The following WRN variants were observed in gnomAD, a reference collection of about 807,000 sequenced individuals.
WRN encodes bifunctional 3'-5' exonuclease/ATP-dependent helicase WRN.
In WRN, 149 loss-of-function variants were observed where a neutral mutation model predicts 180.7. That is an observed-to-expected ratio of 0.82 (90% CI 0.72 to 0.94). The LOEUF (loss-of-function observed/expected upper bound fraction) is 0.94, where lower values mean the gene tolerates loss of function less well. Ranked by LOEUF, WRN falls within the 40% of genes least tolerant of loss-of-function variation. The pLI is 0.00. For synonymous variants in WRN, 548 were observed against 568.9 expected, an observed-to-expected ratio of 0.96 and a Z score of 0.52; for missense variants, 1,661 against 1,700.1, an observed-to-expected ratio of 0.98 and a Z score of 0.40.
chr8:31,092,174 G>A (rs959413870), intron 16 of WRN, among the ~76,000 whole-genome samples: 38 of 151,900 alleles, frequency 2.5e-4, no homozygotes, highest in Admixed American at 6.6e-5. Flanking sequence ...GAAGAAATCT[G>A]TTATTCTCGG....
chr8:31,147,097 C>T lies in WRN; in HGVS notation c.3428C>T (p.Pro1143Leu). 6.2e-7 allele frequency: 1 copy of T among 1,613,812 alleles called. No homozygotes were observed. Among genetic ancestry groups the T allele is most frequent in the Non-Finnish European group, 8.5e-7 (1 of 1,179,830 alleles). Residue 1143 changes from proline (P) to leucine (L), a missense_variant, in exon 29 of 35, where the codon CCT becomes CTT. This residue lies in a region of WRN where 1,141 missense variants were observed against 1,149.4 expected (regional missense o/e 0.99). Transcript: ENST00000298139. The part of the protein sequence containing the change: ...SPEKAYSSSQ[P>L]VISAQEQETQ... The stretch of plus-strand genomic sequence containing the variant: ...GAAAAAGCTTACAGTTCCTCACAGC[C>T]TGTTATTTCGGCACAAGAGCAGGAG...
At chr8:31,142,819 A>G (rs549588960) in intron 27 of WRN, 118 bp downstream of exon 27, 3 of 921,746 alleles carry the variant, frequency 3.3e-6, no homozygotes, top group South Asian at 1.9e-5. Context: ...ATAACAAAGC[A>G]TAAAATTCGG....
chr8:31,157,587 T>C, intron 33 of WRN, 57 bp downstream of exon 33: 1 of 1,602,004 alleles, frequency 6.2e-7, no homozygotes, highest in Non-Finnish European at 8.5e-7. Flanking sequence ...AAACAAGCAA[T>C]CCACTATATT....
At position 31,076,821 on chromosome 8, in the gene WRN, A is replaced by G. The variant is rs140709681; in HGVS notation, c.839+534A>G. ...GCATTCCAATTTTAGAGATTCTTTT[A>G]TGGTTAAAGCACTAGGTAACTTAAA... On this transcript the variant is annotated intron_variant, in intron 8 of 34. Coordinates refer to ENST00000298139, the MANE Select transcript of WRN (RefSeq NM_000553.6). Among the ~76,000 whole-genome samples, 507 of 152,312 alleles carry G rather than the reference A, an allele frequency of 3.3e-3. 1 individual carries two copies. The highest frequency in any genetic ancestry group is 0.011 in the African/African-American group (470 of 41,564).
intron 19 of WRN, among the ~76,000 whole-genome samples, chr8:31,112,482 G>T (rs1801358162): frequency 6.6e-6 from 1 of 152,106 alleles, no homozygotes; most frequent in Non-Finnish European, 1.5e-5. Flanking sequence ...TCATTTTATT[G>T]TTGAGGAAAC....
At chr8:31,062,801 C>T (rs1332494012) in intron 3 of WRN, among the ~76,000 whole-genome samples, 1 of 152,072 alleles carries the variant, frequency 6.6e-6, no homozygotes, top group Non-Finnish European at 1.5e-5. Context: ...CTCTGTGCCC[C>T]TCTGAGATAA....
chr8:31,073,790 A>G (rs1812997925), intron 7 of WRN, among the ~76,000 whole-genome samples: 1 of 152,180 alleles, frequency 6.6e-6, no homozygotes, highest in Admixed American at 6.5e-5. Context: ...TTCTGAAGCC[A>G]CCTGAAGAAA....
chr8:31,042,445 T>A (rs1811695662), intron 1 of WRN, among the ~76,000 whole-genome samples: 2 of 152,254 alleles, frequency 1.3e-5, no homozygotes, highest in African/African-American at 4.8e-5. Flanking sequence ...GATTTATATC[T>A]AACACCACAA....
At chr8:31,155,022 T>C (rs562963094) in intron 32 of WRN, among the ~76,000 whole-genome samples, 16 of 152,316 alleles carry the variant, frequency 1.1e-4, no homozygotes, top group African/African-American at 3.6e-4. Flanking sequence ...AGCTCAGGGA[T>C]ACTGCATCAG....
At chr8:31,170,750 G>C (rs1360084477) in intron 34 of WRN, among the ~76,000 whole-genome samples, 1 of 152,168 alleles carries the variant, frequency 6.6e-6, no homozygotes, top group African/African-American at 2.4e-5. Flanking sequence ...ATAGACACTG[G>C]AAGGCGTTGT....
intron 23 of WRN, among the ~76,000 whole-genome samples, chr8:31,129,788 C>T (rs779461974): frequency 1.3e-5 from 2 of 151,796 alleles, no homozygotes; most frequent in Non-Finnish European, 1.5e-5. Context: ...TGGGGGATCA[C>T]GAGGTCAAGA....
intron 33 of WRN, among the ~76,000 whole-genome samples, chr8:31,164,991 A>G (rs925534538): frequency 6.6e-6 from 1 of 152,116 alleles, no homozygotes; most frequent in Admixed American, 6.6e-5. Flanking sequence ...TTAGAAAAAT[A>G]TATGAATTTT....
chr8:31,051,651 A>C (rs1304388114), intron 1 of WRN, among the ~76,000 whole-genome samples: 2 of 152,142 alleles, frequency 1.3e-5, no homozygotes, highest in African/African-American at 2.4e-5. Context: ...GAATAGGTCC[A>C]CTCGTTTAGC....
At chr8:31,146,514 G>A (rs1802862436) in intron 28 of WRN, among the ~76,000 whole-genome samples, 1 of 151,804 alleles carries the variant, frequency 6.6e-6, no homozygotes, top group African/African-American at 2.4e-5. Context: ...CATTTGGAGT[G>A]TTCCTTGACT....
intron 3 of WRN, among the ~76,000 whole-genome samples, chr8:31,063,505 C>G (rs1812574273): frequency 6.6e-6 from 1 of 152,064 alleles, no homozygotes; most frequent in South Asian, 2.1e-4. Context: ...GTTTATGCAC[C>G]TTCAACTAGA....
intron 24 of WRN, among the ~76,000 whole-genome samples, chr8:31,134,727 T>C (rs1262696182): frequency 6.6e-6 from 1 of 152,224 alleles, no homozygotes; most frequent in East Asian, 1.9e-4. Flanking sequence ...GACGGTAGTT[T>C]TGATAATACA....
rs1563360963 is a variant in WRN, at chr8:31,116,464, A to G, written c.2384A>G (p.His795Arg). Residue 795 changes from histidine (H) to arginine (R), a missense_variant, in exon 20 of 35, where the codon CAT becomes CGT. His to Arg is a conservative substitution (Grantham distance 29). Transcript: ENST00000298139. Reference sequence around the variant, plus strand: ...CTGAATCTATCCTGTGGAACATACCATGCGGGCATGAGTTTTAGCACAAGG... The same window carrying G: ...CTGAATCTATCCTGTGGAACATACCGTGCGGGCATGAGTTTTAGCACAAGG... ...RKLNLSCGTY[H>R]AGMSFSTRKD... 1 of 1,614,040 alleles carries G rather than the reference A, an allele frequency of 6.2e-7. No homozygotes were observed. Among genetic ancestry groups the G allele is most frequent in the Admixed American group, 1.7e-5 (1 of 60,018 alleles).
chr8:31,099,402 G>A (rs1390849172), intron 17 of WRN, among the ~76,000 whole-genome samples: 1 of 148,716 alleles, frequency 6.7e-6, no homozygotes, highest in Non-Finnish European at 1.5e-5. Context: ...AAGGAAGGAA[G>A]GAAGGAAGGA....
intron 33 of WRN, among the ~76,000 whole-genome samples, chr8:31,161,735 A>C (rs1296977585): frequency 6.8e-6 from 1 of 147,668 alleles, no homozygotes; most frequent in East Asian, 2.1e-4. Flanking sequence ...GCTACTCAGG[A>C]GGCTGAGGCA....
Sources: gnomAD v4.1 joint callset for allele counts (sites outside exome capture counted in the v4.1 genomes callset) on GRCh38, gnomAD v4.1.1 for gene constraint, gnomAD v4.1.1 regional missense constraint, MANE v1.5 for transcripts, NCBI Gene and HGNC (gene_info 2026-07-23, HGNC 2026-07-21) for gene names.